Variants in LCN15 observed in about 807,000 individuals in gnomAD.
LCN15 encodes lipocalin-15.
A neutral mutation model predicts 23.1 loss-of-function variants in LCN15; 26 were observed. That is an observed-to-expected ratio of 1.13 (90% confidence interval 0.82 to 1.56). LCN15 has a LOEUF of 1.56. Among genes scored for constraint, LCN15 ranks in the 40% most tolerant of loss-of-function variants. The pLI is 0.00. For synonymous variants in LCN15, 107 were observed against 98.3 expected (o/e 1.09, Z -0.52); for missense variants, 241 against 239.5 (o/e 1.01, Z -0.04).
rs1481000048 is a variant in LCN15 at position 136,761,579 on chromosome 9, G to C, written c.*32+208C>G. Among the ~76,000 whole-genome samples the C allele has an allele frequency of 1.3e-5, 2 of 152,186 alleles. No homozygotes were observed. The highest frequency in any genetic ancestry group is 2.9e-5 in the Non-Finnish European group (2 of 68,028). Reference sequence around the variant, plus strand: ...CCCGGCCAAACTTCTGCTGTTTTAAGTCGCCCCATTTGTGGTACTCTGTGA... The same window carrying C: ...CCCGGCCAAACTTCTGCTGTTTTAACTCGCCCCATTTGTGGTACTCTGTGA... On this transcript the variant is annotated intron_variant, in intron 6 of 6. Coordinates refer to ENST00000316144, the MANE Select transcript of LCN15 (RefSeq NM_203347.2). This position sits in a 1 kb window ranked among gnomAD's most constrained non-coding sequence, Gnocchi z 4.2.
chr9:136,760,209 T>G (rs1847300540), intron 6 of LCN15, among the ~76,000 whole-genome samples: 1 of 152,220 alleles, frequency 6.6e-6, no homozygotes, highest in Non-Finnish European at 1.5e-5. Flanking sequence ...GAAAGCTGCT[T>G]CTTCAAGATC....
At chr9:136,764,302 G>A (rs572268011) in intron 1 of LCN15, 91 bp downstream of exon 1, 122 of 1,300,152 alleles carry the variant, frequency 9.4e-5, no homozygotes, top group African/African-American at 9.1e-4. Context: ...CAGAGCAAGC[G>A]CCCCAGGAAA....
At chr9:136,762,846 T>G (rs1588313840) in intron 4 of LCN15, among the ~76,000 whole-genome samples, 1 of 145,528 alleles carries the variant, frequency 6.9e-6, no homozygotes, top group Non-Finnish European at 1.5e-5. Context: ...TTGCTTGAAC[T>G]GGGGAGTCGG....
At chr9:136,762,947 C>T (rs1171119413) in intron 4 of LCN15, among the ~76,000 whole-genome samples, 14 of 148,596 alleles carry the variant, frequency 9.4e-5, no homozygotes, top group Admixed American at 6.7e-4. Context: ...AAAAGAACCT[C>T]AGCCCCAGCC....
In LCN15 at chr9:136,763,749, G is replaced by A. The variant is rs140980763; in HGVS notation, c.271C>T (p.Leu91=). 95 of 1,613,500 alleles carry A rather than the reference G, an allele frequency of 5.9e-5. No individual in the cohort carries two copies. The African/African-American group carries it at 1.1e-3, about 19-fold the overall frequency. The change falls in exon 3 of 7, where the codon CTG becomes TTG. Residue 91 remains leucine (L), a synonymous_variant. Transcript: ENST00000316144. ...AAGTGTCCCTCGGAGCCCACCTTCA[G>A]GTACTCGGCATCCACCTGGTTACAG... ...DGCNQVDAEY[L]KVGSEGHFRV... is the part of the protein sequence containing the mutation.
Position 136,761,910 on chromosome 9 carries a change from G to A in LCN15, c.521-57C>T, listed in dbSNP as rs1564335492. ...ACGGCCAGGACCGCCCTCGCTTCCC[G>A]CAGCCCCCAACCCCTGGGTGCCAAG... On this transcript the variant is annotated intron_variant, in intron 5 of 6. Transcript: ENST00000316144. The surrounding 1 kb of genome is among the most constrained non-coding windows in gnomAD (Gnocchi z 4.2). 8.5e-6 allele frequency: 11 copies of A among 1,294,230 alleles called. No individual in the cohort carries two copies. The highest frequency in any genetic ancestry group is 2.5e-4 in the Middle Eastern group (1 of 4,022). The allele number at this position is 1,294,230 out of a possible 1,614,324, so 80.2% of individuals were successfully genotyped here.
intron 6 of LCN15, among the ~76,000 whole-genome samples, chr9:136,760,389 G>C (rs1429799145): frequency 1.3e-5 from 2 of 152,212 alleles, no homozygotes; most frequent in Non-Finnish European, 2.9e-5. Context: ...GAGTCTCCAG[G>C]GAGAGGGTCC....
chr9:136,762,133 TG>T, intron 5 of LCN15, 54 bp downstream of exon 5: 1 of 955,854 alleles, frequency 1.0e-6, no homozygotes, highest in Non-Finnish European at 1.5e-6. Flanking sequence ...GGTGGGCTCA[TG>T]GGAAGGGAGG....
chr9:136,763,826 C>T (rs1216781019), intron 2 of LCN15, 43 bp from the exon 3 acceptor site: 1 of 1,613,390 alleles, frequency 6.2e-7, no homozygotes, highest in South Asian at 1.1e-5. Context: ...CCAGCTACCT[C>T]AGCTCCCCAG....
chr9:136,760,224 C>A (rs912129693), intron 6 of LCN15, among the ~76,000 whole-genome samples: 1 of 152,242 alleles, frequency 6.6e-6, no homozygotes, highest in Non-Finnish European at 1.5e-5. Flanking sequence ...AAGATCATGG[C>A]GGGATGGGGC....
chr9:136,764,137 G>A lies in LCN15; in HGVS notation c.97-128C>T, dbSNP rs1847354348. 2.5e-6 allele frequency: 3 copies of A among 1,198,186 alleles called. No individual in the cohort carries two copies. The East Asian group carries it at 7.2e-5, about 29-fold the overall frequency. The allele number at this position is 1,198,186 out of a possible 1,614,324, so 74.2% of individuals were successfully genotyped here. On this transcript the variant is annotated intron_variant, in intron 1 of 6. Coordinates refer to ENST00000316144, the MANE Select transcript of LCN15 (RefSeq NM_203347.2). ...CGGAGTGGCCATGTCTTGGGTGTGAGCTGAGCCCAGGTGGACAGGAACTCA... is the reference window on the plus strand; with the variant it reads ...CGGAGTGGCCATGTCTTGGGTGTGAACTGAGCCCAGGTGGACAGGAACTCA...
chr9:136,762,182 G>C lies in LCN15; in HGVS notation c.520+6C>G, dbSNP rs1405373362. The C allele has an allele frequency of 3.2e-6, 5 of 1,553,936 alleles. No individual in the cohort carries two copies. In the African/African-American group the frequency reaches 5.5e-5, roughly 17 times the overall value. On this transcript the variant is annotated splice_donor_region_variant and intron_variant, in intron 5 of 6. Coordinates refer to ENST00000316144, the MANE Select transcript of LCN15 (RefSeq NM_203347.2). ...GGCATGGGGTGGGCGGGGCTTGCCA[G>C]GGTACCTGACTGGGGCAGCATGACC...
intron 1 of LCN15, 151 bp downstream of exon 1, chr9:136,764,242 G>T: frequency 1.2e-6 from 1 of 833,638 alleles, no homozygotes; most frequent in Non-Finnish European, 1.9e-6. Flanking sequence ...TTCACAGGTT[G>T]GTTTAGGATT....
intron 4 of LCN15, 82 bp from the exon 5 acceptor site, chr9:136,762,371 G>C: frequency 1.2e-6 from 1 of 807,110 alleles, no homozygotes; most frequent in Non-Finnish European, 2.1e-6. Flanking sequence ...CCACCAGCCT[G>C]AGGGCTGACA....
Position 136,763,499 on chromosome 9 carries a change from G to A in LCN15, c.308-32C>T, listed in dbSNP as rs188419967. The A allele has an allele frequency of 1.7e-4, 257 of 1,499,878 alleles. 1 individual carries two copies. Among genetic ancestry groups the A allele is most frequent in the Middle Eastern group, 9.1e-4 (5 of 5,506 alleles). The allele number at this position is 1,499,878 out of a possible 1,614,324, so 92.9% of individuals were successfully genotyped here. A position where few individuals can be genotyped will look rare whatever the true frequency, so the allele number is the denominator to read the frequency against. On this transcript the variant is annotated intron_variant, in intron 3 of 6. Coordinates refer to ENST00000316144, the MANE Select transcript of LCN15 (RefSeq NM_203347.2). The stretch of plus-strand genomic sequence containing the variant: ...AGAGGCAGGCGGCCTTTTCAGGCTG[G>A]AGAAGTGGATGGGCCCGGGCACCGA...
chr9:136,763,445 G>T lies in LCN15; in HGVS notation c.330C>A (p.Arg110=). The change falls in exon 4 of 7, where the codon CGC becomes CGA. Residue 110 remains arginine (R), a synonymous_variant. Coordinates refer to ENST00000316144, the MANE Select transcript of LCN15 (RefSeq NM_203347.2). Reference sequence around the variant, plus strand: ...AGGAGCTGTAGTCTGTGTCCACGATGCGCACGTCCAGGTAGCCCAAGGCTG... The same window carrying T: ...AGGAGCTGTAGTCTGTGTCCACGATTCGCACGTCCAGGTAGCCCAAGGCTG... The part of the protein sequence containing the change: ...RVPALGYLDV[R]IVDTDYSSFA... 6.2e-7 allele frequency: 1 copy of T among 1,609,014 alleles called. No homozygotes were observed. The highest frequency in any genetic ancestry group is 8.5e-7 in the Non-Finnish European group (1 of 1,178,188).
Position 136,762,285 on chromosome 9 carries a change from C to T in LCN15, c.423G>A (p.Arg141=), listed in dbSNP as rs202130712. ...ALSTMVQLYS[R]TQDVSPQALK... ...GAGCCTGGGGACTCACATCCTGGGT[C>T]CGGCCTGGGCAGAGCAGAGGTCACT... Residue 141 remains arginine, a synonymous_variant, in exon 5 of 7, where the codon CGG becomes CGA. Transcript: ENST00000316144. The T allele has an allele frequency of 2.5e-6, 4 of 1,574,904 alleles. No individual in the cohort carries two copies. Among genetic ancestry groups the T allele is most frequent in the Non-Finnish European group, 3.5e-6 (4 of 1,155,402 alleles).
In LCN15 at chr9:136,764,499, G is replaced by T. The variant is rs1385045334; in HGVS notation, c.-11C>A. On this transcript the variant is annotated 5_prime_UTR_variant, in exon 1 of 7. Transcript: ENST00000316144. ...CAGGAATGACATCATCCCCTCCCCT[G>T]CCCTCCAGCCCCTGGTGCTGAGTCC... The T allele has an allele frequency of 1.2e-6, 2 of 1,606,130 alleles. No homozygotes were observed. The highest frequency in any genetic ancestry group is 1.7e-5 in the Admixed American group (1 of 59,452).
Position 136,761,921 on chromosome 9 carries a change from C to G in LCN15, c.521-68G>C. 8.0e-7 allele frequency: 1 copy of G among 1,250,652 alleles called. No individual in the cohort carries two copies. Among genetic ancestry groups the G allele is most frequent in the Non-Finnish European group, 1.0e-6 (1 of 967,886 alleles). The allele number at this position is 1,250,652 out of a possible 1,614,324, so 77.5% of individuals were successfully genotyped here. Reference sequence around the variant, plus strand: ...CGCCCTCGCTTCCCGCAGCCCCCAACCCCTGGGTGCCAAGGGCCACTGGAC... The same window carrying G: ...CGCCCTCGCTTCCCGCAGCCCCCAAGCCCTGGGTGCCAAGGGCCACTGGAC... On this transcript the variant is annotated intron_variant, in intron 5 of 6. Transcript: ENST00000316144. This position sits in a 1 kb window ranked among gnomAD's most constrained non-coding sequence, Gnocchi z 4.2.
Sources: allele counts gnomAD v4.1 joint callset (sites outside exome capture counted in the v4.1 genomes callset), GRCh38; gene constraint gnomAD v4.1.1; non-coding constraint Gnocchi (gnomAD v3.1); transcripts MANE v1.5; gene names NCBI Gene and HGNC (gene_info 2026-07-23, HGNC 2026-07-21).